The following SLC25A48 variants were observed in gnomAD, a reference collection of about 807,000 sequenced individuals.
The protein encoded by SLC25A48 is solute carrier family 25 member 48.
Under a neutral mutation model 32.2 loss-of-function variants are expected in SLC25A48, and 29 were observed. That is an observed-to-expected ratio of 0.90 (90% CI 0.67 to 1.23). The LOEUF is 1.23. Among genes scored for constraint, SLC25A48 ranks in the 50% most tolerant of loss-of-function variants. The pLI is 0.00. For synonymous variants in SLC25A48, 164 were observed against 172.3 expected (o/e 0.95, Z 0.38); for missense variants, 399 against 422.7 (o/e 0.94, Z 0.49).
At chr5:135,829,672 G>A (rs1258850899), upstream of SLC25A48, among the ~76,000 whole-genome samples, 1 of 132,474 alleles carries the variant, frequency 7.5e-6, no homozygotes, top group Non-Finnish European at 1.6e-5. Flanking sequence ...AGGCAGAAAA[G>A]TTAGGGCATT....
intron 3 of SLC25A48, among the ~76,000 whole-genome samples, chr5:135,644,243 G>A (rs1214900210): frequency 6.6e-6 from 1 of 152,194 alleles, no homozygotes; most frequent in East Asian, 1.9e-4. Context: ...GAACTGAGCA[G>A]GGCATATTTG....
At chr5:135,726,021 T>C (rs1290140062) in intron 3 of SLC25A48, among the ~76,000 whole-genome samples, 1 of 152,238 alleles carries the variant, frequency 6.6e-6, no homozygotes, top group Non-Finnish European at 1.5e-5. Flanking sequence ...TGATGGACAC[T>C]GACAGACTCG....
chr5:135,840,868 T>C (rs1758929095), intron 1 of SLC25A48, among the ~76,000 whole-genome samples: 1 of 152,228 alleles, frequency 6.6e-6, no homozygotes, highest in South Asian at 2.1e-4. Flanking sequence ...TTGTGAACAA[T>C]GTTGCCGTGA....
intron 4 of SLC25A48, among the ~76,000 whole-genome samples, chr5:135,860,095 A>AG (rs1332380084): frequency 8.5e-5 from 13 of 152,312 alleles, no homozygotes; most frequent in African/African-American, 2.9e-4. Flanking sequence ...TGTCTGGCAA[A>AG]GTTAGCTCAG....
At chr5:135,616,205 T>C (rs4377701) in intron 1 of SLC25A48, among the ~76,000 whole-genome samples, 3,035 of 152,242 alleles carry the variant, frequency 0.02, 96 homozygotes, top group African/African-American at 0.068. Context: ...GGAGTTTCCA[T>C]TGGGGGACTA....
At chr5:135,827,359 G>T (rs183265861) in intron 4 of SLC25A48, 1 of 152,328 alleles carries the variant, frequency 6.6e-6, no homozygotes, top group Admixed American at 6.5e-5. Context: ...TGCTTCCTGA[G>T]GATGAGGACT....
intron 1 of SLC25A48, among the ~76,000 whole-genome samples, chr5:135,839,588 C>G (rs978434522): frequency 2.0e-5 from 3 of 152,084 alleles, no homozygotes; most frequent in Admixed American, 6.5e-5. Context: ...TGAGTTAAGA[C>G]TTTGGGGCGC....
intron 3 of SLC25A48, among the ~76,000 whole-genome samples, chr5:135,689,399 G>T (rs371601944): frequency 2.0e-5 from 3 of 152,182 alleles, no homozygotes; most frequent in African/African-American, 7.2e-5. Context: ...GTCAATTGAG[G>T]TTTGTGTTCA....
At chr5:135,767,612 G>A (rs932468269) in intron 3 of SLC25A48, among the ~76,000 whole-genome samples, 4 of 151,496 alleles carry the variant, frequency 2.6e-5, no homozygotes, top group East Asian at 1.9e-4. Flanking sequence ...TCCCAATATC[G>A]CAGGGGGTGT....
chr5:135,767,876 A>C (rs1756284549), intron 3 of SLC25A48, among the ~76,000 whole-genome samples: 1 of 150,854 alleles, frequency 6.6e-6, no homozygotes, highest in African/African-American at 2.4e-5. Context: ...TGTTGTTTAT[A>C]ATATCCATGG....
chr5:135,580,568 G>A (rs60186102), intron 1 of SLC25A48, among the ~76,000 whole-genome samples: 6,399 of 152,244 alleles, frequency 0.042, 454 homozygotes, highest in African/African-American at 0.15. Flanking sequence ...GCGCCTATGC[G>A]TGCTGTTGTG....
chr5:135,613,702 T>C (rs1157060660), intron 1 of SLC25A48, among the ~76,000 whole-genome samples: 1 of 152,246 alleles, frequency 6.6e-6, no homozygotes, highest in East Asian at 1.9e-4. Context: ...GAGGGTATCC[T>C]TTCCCCAGTG....
chr5:135,839,320 A>G (rs1021415129), intron 1 of SLC25A48, among the ~76,000 whole-genome samples: 10 of 152,188 alleles, frequency 6.6e-5, no homozygotes, highest in African/African-American at 2.4e-4. Context: ...CTGGATATGA[A>G]ACATGGAACA....
intron 1 of SLC25A48, among the ~76,000 whole-genome samples, chr5:135,594,647 G>T (rs1329028799): frequency 6.6e-6 from 1 of 152,164 alleles, no homozygotes; most frequent in Non-Finnish European, 1.5e-5. Flanking sequence ...TCTTCCTCTT[G>T]GTTGGCCCCC....
At chr5:135,685,580 G>A (rs142869034) in intron 3 of SLC25A48, among the ~76,000 whole-genome samples, 7,117 of 151,814 alleles carry the variant, frequency 0.047, 253 homozygotes, top group African/African-American at 0.099. Flanking sequence ...TTACAGGCAC[G>A]TGCCACCACA....
At chr5:135,605,106 C>T (rs997990429) in intron 1 of SLC25A48, among the ~76,000 whole-genome samples, 2 of 152,154 alleles carry the variant, frequency 1.3e-5, no homozygotes, top group African/African-American at 4.8e-5. Context: ...TTCTAATTTT[C>T]TTTATATGTA....
At chr5:135,865,185 G>A (rs998031600) in intron 4 of SLC25A48, among the ~76,000 whole-genome samples, 1 of 152,200 alleles carries the variant, frequency 6.6e-6, no homozygotes, top group African/African-American at 2.4e-5. Context: ...CTTGCATGGG[G>A]TTGTACATTA....
At chr5:135,705,644 T>C (rs1754490848) in intron 3 of SLC25A48, among the ~76,000 whole-genome samples, 1 of 152,216 alleles carries the variant, frequency 6.6e-6, no homozygotes, top group African/African-American at 2.4e-5. Flanking sequence ...AAAGTACCTG[T>C]ATATAGTTGG....
rs559171221 is a variant in SLC25A48, at chr5:135,871,839, A to G, written c.679+121A>G. 3.9e-6 allele frequency: 6 copies of G among 1,537,240 alleles called. No individual in the cohort carries two copies. In the African/African-American group the frequency reaches 4.1e-5, roughly 11 times the overall value. On this transcript the variant is annotated intron_variant, in intron 5 of 7. Coordinates refer to ENST00000681962, the MANE Select transcript of SLC25A48 (RefSeq NM_001349336.2). ...CAGGACACATTTAGGTACTCACCCA[A>G]CAATTCTTTGTTAGGTACCTACTCT...
Sources: allele counts gnomAD v4.1 joint callset (sites outside exome capture counted in the v4.1 genomes callset), GRCh38; gene constraint gnomAD v4.1.1; transcripts MANE v1.5; gene names NCBI Gene and HGNC (gene_info 2026-07-23, HGNC 2026-07-21).